The following OAT variants were observed in gnomAD, a reference collection of about 807,000 sequenced individuals.
OAT encodes the protein ornithine aminotransferase.
A neutral mutation model predicts 48.4 loss-of-function variants in OAT; 35 were observed. The observed-to-expected ratio is 0.72, with a 90% confidence interval of 0.55 to 0.96. OAT has a LOEUF of 0.96. Among genes scored for constraint, OAT ranks in the 40% least tolerant of loss-of-function variants. OAT has a pLI of 0.00. For synonymous variants in OAT, 182 were observed against 198.4 expected (o/e 0.92, Z 0.70); for missense variants, 438 against 537.9 (o/e 0.81, Z 1.84).
chr10:124,405,344 A>G, intron 5 of OAT, 92 bp downstream of exon 5: 1 of 1,572,594 alleles, frequency 6.4e-7, no homozygotes, highest in South Asian at 1.1e-5. Flanking sequence ...ATAAATTTGC[A>G]TTACTGTCAT....
rs1951285752 is a variant in OAT at position 124,398,059 on chromosome 10, T to C, written c.1203A>G (p.Gly401=). The C allele has an allele frequency of 2.5e-6, 4 of 1,613,920 alleles. No individual in the cohort carries two copies. Among genetic ancestry groups the C allele is most frequent in the African/African-American group, 1.3e-5 (1 of 74,890 alleles). Residue 401 remains glycine (G), a synonymous_variant, in exon 10 of 10, where the codon GGA becomes GGG. Transcript: ENST00000368845. ...WKVCLRLRDN[G]LLAKPTHGDI... ...CGCCATGGGTTGGCTTGGCCAGAAG[T>C]CCATTATCTCGAAGTCGTAGACACA... is the stretch of plus-strand genomic sequence containing the variant.
chr10:124,404,069 A>T, intron 5 of OAT, 149 bp from the exon 6 acceptor site: 2 of 893,198 alleles, frequency 2.2e-6, no homozygotes, highest in East Asian at 2.8e-5. Context: ...CTGCCATTCA[A>T]TTATCAGAAG....
At chr10:124,416,878 A>C (rs1367373016) in intron 1 of OAT, among the ~76,000 whole-genome samples, 3 of 152,256 alleles carry the variant, frequency 2.0e-5, no homozygotes, top group Admixed American at 6.5e-5. Context: ...AAAAAAAAAA[A>C]AAAAAAAAGT....
chr10:124,408,449 A>G (rs1951661818), intron 4 of OAT, 93 bp downstream of exon 4: 2 of 1,155,414 alleles, frequency 1.7e-6, no homozygotes, highest in African/African-American at 3.1e-5. Flanking sequence ...GCCTCCCAAA[A>G]TGCTAGGATT....
intron 8 of OAT, among the ~76,000 whole-genome samples, chr10:124,401,336 T>C (rs1405065246): frequency 6.6e-6 from 1 of 152,234 alleles, no homozygotes; most frequent in African/African-American, 2.4e-5. Flanking sequence ...AGAGATTACA[T>C]AATAATTGTA....
chr10:124,410,569 G>A (rs1325941472), intron 2 of OAT, among the ~76,000 whole-genome samples: 1 of 152,208 alleles, frequency 6.6e-6, no homozygotes, highest in Non-Finnish European at 1.5e-5. Flanking sequence ...CACTGTGGGA[G>A]GCTGAGTGGT....
At chr10:124,413,861 C>G (rs928300216) in intron 1 of OAT, among the ~76,000 whole-genome samples, 1 of 152,004 alleles carries the variant, frequency 6.6e-6, no homozygotes, top group Non-Finnish European at 1.5e-5. Flanking sequence ...TAGCTACTCT[C>G]CCCAGTCACC....
chr10:124,417,229 G>GA (rs1255092347), intron 1 of OAT, among the ~76,000 whole-genome samples: 1 of 150,348 alleles, frequency 6.7e-6, no homozygotes, highest in Non-Finnish European at 1.5e-5. Context: ...TTTGGGGGGG[G>GA]GATGCAAAAC....
chr10:124,405,890 T>C, intron 4 of OAT: 1 of 1,188,228 alleles, frequency 8.4e-7, no homozygotes, highest in South Asian at 1.7e-5. Context: ...CCCTAACAAT[T>C]GAGGTCTTGA....
Position 124,409,063 on chromosome 10 carries a change from A to G in OAT, c.200-98T>C, listed in dbSNP as rs1277356841. On this transcript the variant is annotated intron_variant, in intron 2 of 9. Transcript: ENST00000368845. ...TAGCAAGCCCTCTGAATGCCTATAT[A>G]TGAACCTCTATTTAATACATATTTG... 6 of 767,234 alleles carry G rather than the reference A, an allele frequency of 7.8e-6. No individual in the cohort carries two copies. The East Asian group carries it at 1.3e-4, about 17-fold the overall frequency. The allele number at this position is 767,234 out of a possible 1,614,324, so 47.5% of individuals were successfully genotyped here. A position where few individuals can be genotyped will look rare whatever the true frequency, so the allele number is the denominator to read the frequency against.
At chr10:124,417,397 G>A (rs1452527909) in intron 1 of OAT, among the ~76,000 whole-genome samples, 1 of 144,054 alleles carries the variant, frequency 6.9e-6, no homozygotes, top group East Asian at 2.0e-4. Flanking sequence ...CAATTCTCCT[G>A]CCTCAGCCTC....
intron 3 of OAT, 38 bp downstream of exon 3, chr10:124,408,703 T>C: frequency 1.3e-6 from 2 of 1,581,002 alleles, no homozygotes; most frequent in Non-Finnish European, 1.7e-6. Context: ...AAAAAGATTA[T>C]TTTTGAGGGT....
intron 2 of OAT, among the ~76,000 whole-genome samples, chr10:124,409,416 A>G (rs1951688572): frequency 1.3e-5 from 2 of 151,938 alleles, no homozygotes; most frequent in South Asian, 2.1e-4. Context: ...AATGCTGGGC[A>G]TGGTAGTGCG....
At chr10:124,399,939 A>C (rs1951353449) in intron 9 of OAT, among the ~76,000 whole-genome samples, 1 of 152,196 alleles carries the variant, frequency 6.6e-6, no homozygotes, top group Non-Finnish European at 1.5e-5. Flanking sequence ...CCAACAAAAA[A>C]ACTTGAACTC....
intron 8 of OAT, 68 bp downstream of exon 8, chr10:124,401,658 G>T: frequency 2.9e-6 from 3 of 1,052,288 alleles, no homozygotes; most frequent in Non-Finnish European, 2.9e-6. Context: ...ATACCAGTGG[G>T]CCCAAATTAA....
intron 8 of OAT, 150 bp downstream of exon 8, chr10:124,401,576 A>G: frequency 1.5e-6 from 1 of 679,640 alleles, no homozygotes; most frequent in Non-Finnish European, 2.7e-6. Context: ...TTTTGAGAAT[A>G]TCTTGTTCCT....
rs905910662 is a variant in OAT, at chr10:124,408,770, T to C, written c.395A>G (p.Asn132Ser). The C allele has an allele frequency of 6.2e-7, 1 of 1,611,056 alleles. No individual in the cohort carries two copies. Among genetic ancestry groups the C allele is most frequent in the Non-Finnish European group, 8.5e-7 (1 of 1,178,454 alleles). The stretch of plus-strand genomic sequence containing the variant: ...ATTCATAGGAAGAACTTTGTGGTAG[T>C]TGAAAAGTTTAGTAATATACTCCTC... ...EYEEYITKLF[N>S]YHKVLPMNTG... The change falls in exon 3 of 10, where the codon AAC becomes AGC. Residue 132 changes from asparagine to serine, a missense_variant. Transcript: ENST00000368845.
At chr10:124,416,270 G>T (rs1951916500) in intron 1 of OAT, among the ~76,000 whole-genome samples, 2 of 152,112 alleles carry the variant, frequency 1.3e-5, no homozygotes, top group Non-Finnish European at 2.9e-5. Flanking sequence ...GGCATCCTGT[G>T]GGCCTTTATC....
At position 124,408,918 on chromosome 10, in the gene OAT, T is replaced by C. The variant is rs375562671; in HGVS notation, c.247A>G (p.Ser83Gly). 6.2e-7 allele frequency: 1 copy of C among 1,613,910 alleles called. No individual in the cohort carries two copies. The highest frequency in any genetic ancestry group is 8.5e-7 in the Non-Finnish European group (1 of 1,179,974). The change falls in exon 3 of 10, where the codon AGT (serine) becomes GGT (glycine). Residue 83 changes from serine to glycine, a missense_variant. Coordinates refer to ENST00000368845, the MANE Select transcript of OAT (RefSeq NM_000274.4). ...CCTTGGTTGACAGCACTGTAAGAAC[T>C]CAGGAAGTCAAAATATTTTCTGCCT... ...VEGRKYFDFL[S>G]SYSAVNQGHC...
Sources: gnomAD v4.1 joint callset for allele counts (sites outside exome capture counted in the v4.1 genomes callset) on GRCh38, gnomAD v4.1.1 for gene constraint, MANE v1.5 for transcripts, NCBI Gene and HGNC (gene_info 2026-07-23, HGNC 2026-07-21) for gene names.